The following VAV2 variants were observed in gnomAD, a reference collection of about 807,000 sequenced individuals.
VAV2 encodes the protein guanine nucleotide exchange factor VAV2.
VAV2 carries 67 observed loss-of-function variants against 132.5 expected under a neutral mutation model. The observed-to-expected ratio is 0.51, with a 90% CI of 0.42 to 0.62. The LOEUF is 0.62. VAV2 is among the 20% of genes least tolerant of loss of function. The pLI is 0.00. For synonymous variants in VAV2, 492 were observed against 443.5 expected, an observed-to-expected ratio of 1.11 and a Z score of -1.37; for missense variants, 938 against 1,153.6, an observed-to-expected ratio of 0.81 and a Z score of 2.71.
rs201672316 is a variant in VAV2, at chr9:133,903,518, GT to G, written c.321+35584del. ...CCACATCACCTGCCAGTCAGGAGAG[GT>G]TTTGTATCACTTAGAAAATATGGGG... On this transcript the variant is annotated intron_variant, in intron 2 of 29. Coordinates refer to ENST00000371850, the MANE Select transcript of VAV2 (RefSeq NM_001134398.2). 1.2e-3 allele frequency among the ~76,000 whole-genome samples: 189 copies of G among 152,302 alleles called. 1 individual carries two copies. The highest frequency in any genetic ancestry group is 4.4e-3 in the African/African-American group (183 of 41,556).
At chr9:133,801,246 C>G (rs1225609898) in intron 9 of VAV2, among the ~76,000 whole-genome samples, 1 of 152,232 alleles carries the variant, frequency 6.6e-6, no homozygotes, top group Non-Finnish European at 1.5e-5. Flanking sequence ...TGGGGAAAGA[C>G]AGACCTCCAT....
intron 4 of VAV2, among the ~76,000 whole-genome samples, chr9:133,814,582 G>C (rs569455044): frequency 2.0e-5 from 3 of 151,970 alleles, no homozygotes; most frequent in Non-Finnish European, 4.4e-5. Flanking sequence ...GGGGTTGGCC[G>C]TTAAATGCTG....
rs1181921385 is a variant in VAV2 at position 133,879,029 on chromosome 9, T to C, written c.322-17597A>G. Among the ~76,000 whole-genome samples, 1 of 151,990 alleles carries C rather than the reference T, an allele frequency of 6.6e-6. No individual in the cohort carries two copies. The highest frequency in any genetic ancestry group is 1.5e-5 in the Non-Finnish European group (1 of 67,994). On this transcript the variant is annotated intron_variant, in intron 2 of 29. Coordinates refer to ENST00000371850, the MANE Select transcript of VAV2 (RefSeq NM_001134398.2). The surrounding 1 kb of genome is among the most constrained non-coding windows in gnomAD (Gnocchi z 4.4). ...GGGGCAGGGAGGTGTCTCCTCAGGA[T>C]CCCCCCGTTCCCCAGGCATCATCCG...
intron 2 of VAV2, among the ~76,000 whole-genome samples, chr9:133,881,049 A>G (rs964577891): frequency 2.7e-5 from 4 of 149,708 alleles, no homozygotes; most frequent in African/African-American, 9.9e-5. Context: ...GCAAGGGGCC[A>G]GCAGCCCAGA....
chr9:133,835,698 T>C (rs1195798971), intron 3 of VAV2, among the ~76,000 whole-genome samples: 2 of 152,008 alleles, frequency 1.3e-5, no homozygotes, highest in African/African-American at 2.4e-5. Context: ...CAGCCCGAGA[T>C]CCAGCAGGGA....
At position 133,898,713 on chromosome 9, in the gene VAV2, C is replaced by T. The variant is rs920653016; in HGVS notation, c.322-37281G>A. ...GTGGTGCCCGGGGAAGCTTCCAGGC[C>T]TCATGAGGCCAGGCCTGAGCTGGTG... On this transcript the variant is annotated intron_variant, in intron 2 of 29. Transcript: ENST00000371850. 2.6e-5 allele frequency among the ~76,000 whole-genome samples: 4 copies of T among 152,222 alleles called. No individual in the cohort carries two copies. The South Asian group carries it at 8.3e-4, about 32-fold the overall frequency.
chr9:133,900,707 C>CTG (rs1192587233), intron 2 of VAV2, among the ~76,000 whole-genome samples: 1 of 152,156 alleles, frequency 6.6e-6, no homozygotes, highest in Admixed American at 6.5e-5. Flanking sequence ...GAATGTTCCC[C>CTG]TGTATAAATG....
intron 2 of VAV2, among the ~76,000 whole-genome samples, chr9:133,890,333 C>T (rs568466118): frequency 1.3e-5 from 2 of 152,340 alleles, no homozygotes; most frequent in African/African-American, 4.8e-5. Context: ...CTCACGCAGG[C>T]CGTGGGGCAA....
Position 133,774,999 on chromosome 9 carries a change from C to T in VAV2, c.2071G>A (p.Ala691Thr), listed in dbSNP as rs142993722. Residue 691 changes from alanine to threonine, a missense_variant, in exon 25 of 30, where the codon GCC becomes ACC. Transcript: ENST00000371850. Reference protein sequence around the residue: ...QQTDNLLKSHASGTYLIRERP... With the variant: ...QQTDNLLKSHTSGTYLIRERP... ...TCCCTGATCAGGTAGGTCCCGCTGG[C>T]GTGGGACTTGAGCAGGTTGTCCGTC... 1.9e-5 allele frequency: 30 copies of T among 1,613,414 alleles called. No individual in the cohort carries two copies. Among genetic ancestry groups the T allele is most frequent in the East Asian group, 1.1e-4 (5 of 44,888 alleles).
chr9:133,944,723 C>T (rs2132156299), intron 1 of VAV2, among the ~76,000 whole-genome samples: 1 of 152,358 alleles, frequency 6.6e-6, no homozygotes, highest in East Asian at 1.9e-4. Context: ...CCTGTCTCGC[C>T]AAGGACGGCA....
chr9:133,826,751 G>A lies in VAV2; in HGVS notation c.449+7521C>T, dbSNP rs892750781. ...GAGTGGGAGCTTTCAAATTTCTCCC[G>A]TGTCCCTTCAATTCCCCTAAGAATT... On this transcript the variant is annotated intron_variant, in intron 4 of 29. Coordinates refer to ENST00000371850, the MANE Select transcript of VAV2 (RefSeq NM_001134398.2). This position sits in a 1 kb window ranked among gnomAD's most constrained non-coding sequence, Gnocchi z 4.2. Among the ~76,000 whole-genome samples, 2 of 152,042 alleles carry A rather than the reference G, an allele frequency of 1.3e-5. No individual in the cohort carries two copies. Among genetic ancestry groups the A allele is most frequent in the African/African-American group, 2.4e-5 (1 of 41,390 alleles).
intron 24 of VAV2, among the ~76,000 whole-genome samples, chr9:133,775,429 T>C (rs1236815232): frequency 6.6e-6 from 1 of 152,248 alleles, no homozygotes; most frequent in Non-Finnish European, 1.5e-5. Flanking sequence ...ATTTTCACTA[T>C]TTCAAAAGCA....
intron 2 of VAV2, among the ~76,000 whole-genome samples, chr9:133,865,412 C>A (rs1315094729): frequency 6.6e-6 from 1 of 152,150 alleles, no homozygotes; most frequent in African/African-American, 2.4e-5. Flanking sequence ...TAACTTCATT[C>A]CTCTGTGCTG....
chr9:133,813,551 C>T (rs963739839), intron 4 of VAV2, among the ~76,000 whole-genome samples: 1 of 152,270 alleles, frequency 6.6e-6, no homozygotes, highest in Non-Finnish European at 1.5e-5. Flanking sequence ...CTGCAATGCA[C>T]AAGCCACACG....
At chr9:133,962,582 T>C (rs1016774737) in intron 1 of VAV2, among the ~76,000 whole-genome samples, 6 of 152,034 alleles carry the variant, frequency 3.9e-5, no homozygotes, top group Non-Finnish European at 8.8e-5. Flanking sequence ...CAGGCCTGGC[T>C]CCAGCTCTCC....
At chr9:133,943,319 C>T (rs2132151588) in intron 1 of VAV2, among the ~76,000 whole-genome samples, 1 of 152,338 alleles carries the variant, frequency 6.6e-6, no homozygotes. Flanking sequence ...TGCATCATGG[C>T]CACAGGGGCC....
intron 4 of VAV2, among the ~76,000 whole-genome samples, chr9:133,819,427 C>T (rs536527815): frequency 6.7e-5 from 10 of 149,636 alleles, no homozygotes; most frequent in East Asian, 2.0e-4. Flanking sequence ...CCAGCCTGGG[C>T]GACAGAGCGA....
rs531787216 is a variant in VAV2 at position 133,890,698 on chromosome 9, C to T, written c.322-29266G>A. On this transcript the variant is annotated intron_variant, in intron 2 of 29. Coordinates refer to ENST00000371850, the MANE Select transcript of VAV2 (RefSeq NM_001134398.2). ...AGGGGAGGTGAGGAAGGGTCATGCA[C>T]TTAAAAGGAAACAGCTGCCTCCCCT... 3.3e-5 allele frequency among the ~76,000 whole-genome samples: 5 copies of T among 152,296 alleles called. No homozygotes were observed. The South Asian group carries it at 1.0e-3, about 32-fold the overall frequency.
chr9:133,898,666 G>T (rs1166432829), intron 2 of VAV2, among the ~76,000 whole-genome samples: 1 of 152,156 alleles, frequency 6.6e-6, no homozygotes, highest in Non-Finnish European at 1.5e-5. Flanking sequence ...CAGTTGAATG[G>T]CGAGGTAGCT....
Sources: allele counts gnomAD v4.1 joint callset (sites outside exome capture counted in the v4.1 genomes callset), GRCh38; gene constraint gnomAD v4.1.1; non-coding constraint Gnocchi (gnomAD v3.1); transcripts MANE v1.5; gene names NCBI Gene and HGNC (gene_info 2026-07-23, HGNC 2026-07-21).